The following THSD4 variants were observed in gnomAD, a reference collection of about 807,000 sequenced individuals.
THSD4 encodes thrombospondin type 1 domain containing 4.
Under a neutral mutation model 119.0 loss-of-function variants are expected in THSD4, and 69 were observed. The ratio of observed to expected loss-of-function variants is 0.58; its 90% CI spans 0.48 to 0.71. THSD4 has a LOEUF of 0.71. THSD4 is among the 30% of genes least tolerant of loss of function. The pLI is 0.00. For synonymous variants in THSD4, 524 were observed against 540.4 expected (o/e 0.97, Z 0.42); for missense variants, 1,393 against 1,391.1 (o/e 1.00, Z -0.02).
chr15:71,373,549 A>G (rs534765248), intron 6 of THSD4, among the ~76,000 whole-genome samples: 2 of 152,102 alleles, frequency 1.3e-5, no homozygotes, highest in African/African-American at 2.4e-5. Flanking sequence ...CTCAAACCCA[A>G]CTATATTTTT....
chr15:71,508,391 A>G (rs966882742), intron 7 of THSD4, among the ~76,000 whole-genome samples: 1 of 152,194 alleles, frequency 6.6e-6, no homozygotes, highest in African/African-American at 2.4e-5. Flanking sequence ...TTAAATGCAG[A>G]GGACTTCTTC....
intron 4 of THSD4, among the ~76,000 whole-genome samples, chr15:71,228,204 G>T (rs906054930): frequency 6.6e-6 from 1 of 152,078 alleles, no homozygotes; most frequent in African/African-American, 2.4e-5. Context: ...CAAGCAGAGG[G>T]AGATGTAACA....
At chr15:71,104,907 A>G (rs150326135) in intron 1 of THSD4, among the ~76,000 whole-genome samples, 1,717 of 152,318 alleles carry the variant, frequency 0.011, 35 homozygotes, top group African/African-American at 0.038. Flanking sequence ...TGAGTGACTT[A>G]GCCCTTGTCC....
chr15:71,702,827 C>T (rs1260689983), intron 8 of THSD4, among the ~76,000 whole-genome samples: 1 of 152,200 alleles, frequency 6.6e-6, no homozygotes, highest in Non-Finnish European at 1.5e-5. Context: ...ACCATTCTCC[C>T]TTTCAGCAAC....
At chr15:71,114,017 C>T (rs1822123741), upstream of THSD4, among the ~76,000 whole-genome samples, 1 of 152,020 alleles carries the variant, frequency 6.6e-6, no homozygotes, top group African/African-American at 2.4e-5. Flanking sequence ...AGACTCGTGA[C>T]ACTCAGAATT....
chr15:71,112,097 G>T (rs1023620660), upstream of THSD4: 3 of 1,612,534 alleles, frequency 1.9e-6, no homozygotes, highest in Non-Finnish European at 2.5e-6. Flanking sequence ...CTCCCAGAAG[G>T]TTGCTCTCAG....
At chr15:71,698,346 A>T (rs1438843012) in intron 8 of THSD4, among the ~76,000 whole-genome samples, 2 of 152,098 alleles carry the variant, frequency 1.3e-5, no homozygotes, top group African/African-American at 4.8e-5. Flanking sequence ...GTTGACAAGG[A>T]TACAGAGAAA....
intron 6 of THSD4, among the ~76,000 whole-genome samples, chr15:71,408,732 G>A (rs1009691539): frequency 6.6e-6 from 1 of 152,058 alleles, no homozygotes; most frequent in African/African-American, 2.4e-5. Context: ...CATACCTGTA[G>A]TCCCAGCTAC....
chr15:71,561,904 ACACACACACACACAC>A (rs1567037622), intron 7 of THSD4, among the ~76,000 whole-genome samples: 23 of 37,778 alleles, frequency 6.1e-4, no homozygotes, highest in African/African-American at 2.7e-3. Flanking sequence ...ACACACACAC[ACACACACACACACAC>A]AAACACTCAC....
intron 7 of THSD4, among the ~76,000 whole-genome samples, chr15:71,473,273 G>T (rs1215562789): frequency 6.6e-6 from 1 of 151,978 alleles, no homozygotes; most frequent in Non-Finnish European, 1.5e-5. Flanking sequence ...GCCCAGCCTG[G>T]TCTCCAACTC....
chr15:71,485,981 C>A (rs2047810402), intron 7 of THSD4, among the ~76,000 whole-genome samples: 1 of 152,120 alleles, frequency 6.6e-6, no homozygotes, highest in African/African-American at 2.4e-5. Flanking sequence ...TGGCAAATAT[C>A]CTTTTTTAGA....
chr15:71,731,639 C>T (rs2052982581), intron 10 of THSD4: 1 of 193,460 alleles, frequency 5.2e-6, no homozygotes, highest in Non-Finnish European at 1.1e-5. Flanking sequence ...AGAAATTAGC[C>T]AGGCATGGTG....
chr15:71,399,076 G>A (rs1335014274), intron 6 of THSD4, among the ~76,000 whole-genome samples: 1 of 152,062 alleles, frequency 6.6e-6, no homozygotes, highest in Non-Finnish European at 1.5e-5. Flanking sequence ...GCACAGCACA[G>A]CAGTGGGAAG....
chr15:71,489,449 C>T (rs961437359), intron 7 of THSD4, among the ~76,000 whole-genome samples: 1 of 152,160 alleles, frequency 6.6e-6, no homozygotes, highest in African/African-American at 2.4e-5. Flanking sequence ...CCCCCAGGAG[C>T]TATCCCCAGC....
intron 7 of THSD4, among the ~76,000 whole-genome samples, chr15:71,488,141 A>G (rs1278604543): frequency 6.6e-6 from 1 of 152,204 alleles, no homozygotes; most frequent in Non-Finnish European, 1.5e-5. Context: ...GGGCAGCGGT[A>G]GATTTATTGT....
At chr15:71,506,556 C>T (rs1034818932) in intron 7 of THSD4, among the ~76,000 whole-genome samples, 1 of 152,224 alleles carries the variant, frequency 6.6e-6, no homozygotes, top group South Asian at 2.1e-4. Context: ...AGCACAAGTG[C>T]CCCACACTGA....
At chr15:71,551,729 C>T (rs979097433) in intron 7 of THSD4, among the ~76,000 whole-genome samples, 2 of 152,140 alleles carry the variant, frequency 1.3e-5, no homozygotes, top group Non-Finnish European at 2.9e-5. Flanking sequence ...GGAAATGTTG[C>T]CAGCTAGGAA....
At chr15:71,513,433 A>G (rs2048311488) in intron 7 of THSD4, among the ~76,000 whole-genome samples, 1 of 152,244 alleles carries the variant, frequency 6.6e-6, no homozygotes, top group Non-Finnish European at 1.5e-5. Context: ...ACAACTTAAT[A>G]AAATGGGCAA....
intron 4 of THSD4, among the ~76,000 whole-genome samples, chr15:71,237,824 G>A (rs965176424): frequency 6.6e-5 from 10 of 152,190 alleles, no homozygotes; most frequent in Non-Finnish European, 1.5e-4. Flanking sequence ...CTTGAGTCAT[G>A]CTGACTGCTT....
Sources: gnomAD v4.1 joint callset for allele counts (sites outside exome capture counted in the v4.1 genomes callset) on GRCh38, gnomAD v4.1.1 for gene constraint, MANE v1.5 for transcripts, NCBI Gene and HGNC (gene_info 2026-07-23, HGNC 2026-07-21) for gene names.